KDM1A: variants seen among roughly 807,000 people sequenced by gnomAD.
KDM1A encodes lysine demethylase 1A, also known as lysine-specific histone demethylase 1A.
In KDM1A, 49 loss-of-function variants were observed where a neutral mutation model predicts 109.4. The observed-to-expected ratio is 0.45, with a 90% CI of 0.36 to 0.57. The LOEUF is 0.57. KDM1A is among the 20% of genes least tolerant of loss of function. KDM1A has a pLI of 0.00. For missense variants in KDM1A, 668 were observed against 1,116.6 expected, an observed-to-expected ratio of 0.60 and a Z score of 5.73; for synonymous variants, 380 against 415.4, an observed-to-expected ratio of 0.91 and a Z score of 1.04.
At chr1:23,046,391 A>C in intron 3 of KDM1A, among the ~76,000 whole-genome samples, 1 of 152,138 alleles carries the variant, frequency 6.6e-6, no homozygotes, top group East Asian at 1.9e-4. Flanking sequence ...TTCTCATATT[A>C]AGTAAAGTCT....
In KDM1A at chr1:23,079,576, G is replaced by A; in HGVS notation, c.2079G>A (p.Val693=). The A allele has an allele frequency of 6.2e-7, 1 of 1,613,880 alleles. No homozygotes were observed. The highest frequency in any genetic ancestry group is 8.5e-7 in the Non-Finnish European group (1 of 1,179,908). The change falls in exon 18 of 21, where the codon GTG becomes GTA. Residue 693 remains valine (V), a synonymous_variant. Coordinates refer to ENST00000400181, the MANE Select transcript of KDM1A (RefSeq NM_001009999.3). The surrounding 1 kb of genome is among the most constrained non-coding windows in gnomAD (Gnocchi z 5.6). ...AGGTGGTGTTGTGTTTTGATCGGGT[G>A]TTCTGGGATCCAAGTGTCAATTTGT... The part of the protein sequence containing the change: ...LNKVVLCFDR[V]FWDPSVNLFG...
chr1:23,045,573 GCACAATTAGAT>G (rs1460234742), intron 3 of KDM1A, among the ~76,000 whole-genome samples: 1 of 152,104 alleles, frequency 6.6e-6, no homozygotes, highest in Admixed American at 6.5e-5. Context: ...ATCAAATGAC[GCACAATTAGAT>G]CTTCCATGGA....
chr1:23,063,822 A>G (rs1355898468), intron 9 of KDM1A, among the ~76,000 whole-genome samples: 3 of 152,220 alleles, frequency 2.0e-5, no homozygotes, highest in African/African-American at 7.2e-5. Context: ...CACTGCTTTA[A>G]GGAAGTCAAA....
intron 9 of KDM1A, among the ~76,000 whole-genome samples, chr1:23,063,388 C>A (rs1170739818): frequency 2.0e-5 from 3 of 152,056 alleles, no homozygotes; most frequent in Non-Finnish European, 2.9e-5. Context: ...AGGTCTCTTA[C>A]AAACACCGTT....
intron 4 of KDM1A, among the ~76,000 whole-genome samples, chr1:23,052,401 C>T (rs908834819): frequency 6.6e-6 from 1 of 152,108 alleles, no homozygotes; most frequent in Non-Finnish European, 1.5e-5. Context: ...ATCCATTTAC[C>T]TTACAGTGGC....
intron 16 of KDM1A, among the ~76,000 whole-genome samples, chr1:23,078,308 C>T (rs1030057489): frequency 1.3e-5 from 2 of 152,106 alleles, no homozygotes; most frequent in African/African-American, 4.8e-5. Flanking sequence ...GCCATTTTCT[C>T]GAGTTCTGCA....
At chr1:23,031,826 A>C (rs1330528625) in intron 2 of KDM1A, among the ~76,000 whole-genome samples, 2 of 152,234 alleles carry the variant, frequency 1.3e-5, no homozygotes, top group Non-Finnish European at 2.9e-5. Context: ...GGATTTTCTA[A>C]GAAGAGTGGT....
chr1:23,073,847 GT>G (rs1164784568), intron 15 of KDM1A, among the ~76,000 whole-genome samples: 1 of 152,192 alleles, frequency 6.6e-6, no homozygotes, highest in Non-Finnish European at 1.5e-5. Context: ...TCAGTAGTTT[GT>G]TCCTTTTAAT....
intron 20 of KDM1A, 143 bp from the exon 21 acceptor site, chr1:23,083,036 A>T: frequency 1.4e-6 from 1 of 690,986 alleles, no homozygotes; most frequent in Non-Finnish European, 2.4e-6. Context: ...CTGATAAGGG[A>T]GACTCTTCGA....
intron 1 of KDM1A, among the ~76,000 whole-genome samples, chr1:23,029,279 G>T (rs1301084760): frequency 6.6e-6 from 1 of 152,130 alleles, no homozygotes; most frequent in African/African-American, 2.4e-5. Context: ...TGGAAACCAT[G>T]TTGTCTTTGC....
chr1:23,065,665 G>T (rs1238484797), intron 9 of KDM1A, among the ~76,000 whole-genome samples: 1 of 152,190 alleles, frequency 6.6e-6, no homozygotes, highest in Non-Finnish European at 1.5e-5. Flanking sequence ...CTGTCATCTG[G>T]TGTCAGTCAA....
intron 5 of KDM1A, 97 bp from the exon 6 acceptor site, chr1:23,054,972 G>A: frequency 2.6e-6 from 2 of 760,584 alleles, no homozygotes; most frequent in Non-Finnish European, 4.3e-6. Context: ...AAGCTTAATG[G>A]TTTTAAGGAC....
chr1:23,051,817 G>C (rs1273486876), intron 4 of KDM1A, among the ~76,000 whole-genome samples: 3 of 152,052 alleles, frequency 2.0e-5, no homozygotes, highest in Non-Finnish European at 4.4e-5. Flanking sequence ...TCTTTGTTTT[G>C]GCTATTAGAT....
At chr1:23,036,444 G>GCCCCCCCCCCCCCCCCCCCCCCCCCA (rs5773033) in intron 2 of KDM1A, among the ~76,000 whole-genome samples, 8 of 121,584 alleles carry the variant, frequency 6.6e-5, no homozygotes, top group East Asian at 2.5e-4. Flanking sequence ...TTCTTGCCAC[G>GCCCCCCCCCCCCCCCCCCCCCCCCCA]CCCCCCCCCT....
intron 1 of KDM1A, among the ~76,000 whole-genome samples, chr1:23,022,005 T>TA (rs1195412808): frequency 6.2e-4 from 95 of 152,360 alleles, no homozygotes; most frequent in East Asian, 5.8e-4. Flanking sequence ...CAGTACTTGA[T>TA]AACTCTTTAT....
chr1:23,036,444 G>GCCCCCCCCCCCCCCCCCC (rs5773033), intron 2 of KDM1A, among the ~76,000 whole-genome samples: 70 of 121,556 alleles, frequency 5.8e-4, no homozygotes, highest in Non-Finnish European at 7.0e-4. Context: ...TTCTTGCCAC[G>GCCCCCCCCCCCCCCCCCC]CCCCCCCCCT....
intron 2 of KDM1A, among the ~76,000 whole-genome samples, chr1:23,043,349 T>A (rs539076915): frequency 1.7e-4 from 26 of 152,244 alleles, no homozygotes; most frequent in Admixed American, 3.9e-4. Context: ...AGAGCATGTA[T>A]CTTCTAGCAA....
chr1:23,070,162 C>T (rs1328556179), intron 12 of KDM1A, among the ~76,000 whole-genome samples: 3 of 152,248 alleles, frequency 2.0e-5, no homozygotes, highest in Non-Finnish European at 4.4e-5. Context: ...AAAAAGCTAA[C>T]ATTAACAATG....
chr1:23,081,662 T>C, intron 19 of KDM1A, 89 bp downstream of exon 19: 4 of 1,462,784 alleles, frequency 2.7e-6, no homozygotes, highest in Non-Finnish European at 3.8e-6. Flanking sequence ...GTCAGGACAG[T>C]TTAAGCTAGA....
Sources: allele counts gnomAD v4.1 joint callset (sites outside exome capture counted in the v4.1 genomes callset), GRCh38; gene constraint gnomAD v4.1.1; non-coding constraint Gnocchi (gnomAD v3.1); transcripts MANE v1.5; gene names NCBI Gene and HGNC (gene_info 2026-07-23, HGNC 2026-07-21).